The following CCSER1 variants were observed in gnomAD, a reference collection of about 807,000 sequenced individuals.
CCSER1 encodes the protein coiled-coil serine rich protein 1, also known as serine-rich coiled-coil domain-containing protein 1.
A neutral mutation model predicts 82.0 loss-of-function variants in CCSER1; 41 were observed. That is an observed-to-expected ratio of 0.50 (90% CI 0.39 to 0.65). The LOEUF is 0.65. Among genes scored for constraint, CCSER1 ranks in the 30% least tolerant of loss-of-function variants. CCSER1 has a pLI of 0.00. For missense variants in CCSER1, 1,119 were observed against 1,064.2 expected (o/e 1.05, Z -0.72); for synonymous variants, 414 against 383.9 (o/e 1.08, Z -0.92).
chr4:90,609,272 G>A (rs1240607357), intron 5 of CCSER1, among the ~76,000 whole-genome samples: 1 of 151,882 alleles, frequency 6.6e-6, no homozygotes, highest in African/African-American at 2.4e-5. Context: ...GAGTTAAATT[G>A]TTTCACTTTT....
chr4:90,254,963 A>G (rs554715219), intron 1 of CCSER1, among the ~76,000 whole-genome samples: 17 of 147,708 alleles, frequency 1.2e-4, no homozygotes, highest in Non-Finnish European at 2.4e-4. Flanking sequence ...TGATATACAT[A>G]TCAACATATA....
At chr4:90,762,655 A>G (rs1750585124) in intron 7 of CCSER1, among the ~76,000 whole-genome samples, 1 of 152,178 alleles carries the variant, frequency 6.6e-6, no homozygotes, top group Non-Finnish European at 1.5e-5. Context: ...GCACTTAGAT[A>G]AAAGCCCCAA....
rs570090999 is a variant in CCSER1 at position 91,080,472 on chromosome 4, T to C, written c.2173-5478T>C. ...TGCCCATAAGAGAAAGCAGGAGAGA[T>C]TTAAAATTGACACCCTAACATCACA... On this transcript the variant is annotated intron_variant, in intron 9 of 10. Coordinates refer to ENST00000509176, the MANE Select transcript of CCSER1 (RefSeq NM_001145065.2). Among the ~76,000 whole-genome samples, 3 of 152,228 alleles carry C rather than the reference T, an allele frequency of 2.0e-5. No individual in the cohort carries two copies. In the South Asian group the frequency reaches 6.2e-4, roughly 32 times the overall value.
chr4:91,378,057 T>A (rs150010643), intron 10 of CCSER1, among the ~76,000 whole-genome samples: 2,983 of 152,280 alleles, frequency 0.02, 76 homozygotes, highest in African/African-American at 0.067. Flanking sequence ...ATCAGATGGT[T>A]GTAGATGTGT....
intron 5 of CCSER1, among the ~76,000 whole-genome samples, chr4:90,538,557 A>T (rs781608956): frequency 6.6e-6 from 1 of 152,006 alleles, no homozygotes; most frequent in African/African-American, 2.4e-5. Context: ...ATTTTCTCAG[A>T]TTTGTTTCTC....
At chr4:91,140,450 T>A (rs954595699) in intron 10 of CCSER1, among the ~76,000 whole-genome samples, 3 of 152,080 alleles carry the variant, frequency 2.0e-5, no homozygotes, top group Non-Finnish European at 4.4e-5. Flanking sequence ...TTTTAAAAGC[T>A]GTTTTTTAAA....
chr4:91,116,021 A>G (rs1476519441), intron 10 of CCSER1, among the ~76,000 whole-genome samples: 1 of 151,248 alleles, frequency 6.6e-6, no homozygotes, highest in Non-Finnish European at 1.5e-5. Flanking sequence ...CCACCCCACA[A>G]CAGGCCCTGG....
intron 9 of CCSER1, among the ~76,000 whole-genome samples, chr4:91,049,246 A>G (rs995199751): frequency 2.0e-5 from 3 of 152,192 alleles, no homozygotes; most frequent in African/African-American, 7.2e-5. Context: ...TACAATGATA[A>G]TAAATAGAGG....
At chr4:91,574,304 T>A (rs1227073425) in intron 10 of CCSER1, among the ~76,000 whole-genome samples, 5 of 152,242 alleles carry the variant, frequency 3.3e-5, no homozygotes, top group South Asian at 2.1e-4. Flanking sequence ...TGGTGGAAAT[T>A]TAAATTGGTT....
chr4:91,475,289 C>G lies in CCSER1; in HGVS notation c.2218-123283C>G, dbSNP rs545717185. 4.0e-5 allele frequency among the ~76,000 whole-genome samples: 6 copies of G among 151,884 alleles called. No homozygotes were observed. In the East Asian group the frequency reaches 9.7e-4, roughly 24 times the overall value. On this transcript the variant is annotated intron_variant, in intron 10 of 10. Transcript: ENST00000509176. ...ATCACTATCTTTTGTAAAATAGATA[C>G]AGTAAAATAGATATAGGGATAGTAA...
intron 9 of CCSER1, among the ~76,000 whole-genome samples, chr4:90,933,000 GAAAGAAAGAA>G (rs1730292125): frequency 1.6e-5 from 1 of 63,284 alleles, no homozygotes; most frequent in Admixed American, 1.7e-4. Context: ...AAGAAAGAAA[GAAAGAAAGAA>G]AGAAAGAAAG....
At chr4:90,530,321 TA>T in intron 5 of CCSER1, among the ~76,000 whole-genome samples, 1 of 152,172 alleles carries the variant, frequency 6.6e-6, no homozygotes, top group Admixed American at 6.5e-5. Flanking sequence ...ATGAAACTGA[TA>T]TTGGTGGGCA....
chr4:90,999,140 C>T (rs61184467), intron 9 of CCSER1, among the ~76,000 whole-genome samples: 3,741 of 152,212 alleles, frequency 0.025, 130 homozygotes, highest in African/African-American at 0.081. Context: ...CGTTGTTGGA[C>T]ATCTAAGTTG....
At chr4:91,532,101 G>A (rs932522454) in intron 10 of CCSER1, among the ~76,000 whole-genome samples, 3 of 152,236 alleles carry the variant, frequency 2.0e-5, no homozygotes, top group East Asian at 3.9e-4. Flanking sequence ...ATGTCAAGAC[G>A]AAAATGAATA....
intron 10 of CCSER1, among the ~76,000 whole-genome samples, chr4:91,346,206 AG>A (rs890294581): frequency 6.6e-6 from 1 of 151,964 alleles, no homozygotes; most frequent in Admixed American, 6.6e-5. Flanking sequence ...TAGTAGAGAC[AG>A]GGTTTCACCA....
intron 5 of CCSER1, among the ~76,000 whole-genome samples, chr4:90,588,731 A>T (rs1782318423): frequency 1.3e-5 from 2 of 152,146 alleles, no homozygotes; most frequent in Non-Finnish European, 2.9e-5. Context: ...TTCTCATAGT[A>T]GTGAATAAGT....
chr4:90,480,198 T>A (rs1765723454), intron 5 of CCSER1, among the ~76,000 whole-genome samples: 1 of 152,234 alleles, frequency 6.6e-6, no homozygotes, highest in African/African-American at 2.4e-5. Flanking sequence ...TCTGTTCATA[T>A]CCTTCGACCA....
chr4:90,465,578 C>A (rs1763518430), intron 4 of CCSER1, among the ~76,000 whole-genome samples: 1 of 151,902 alleles, frequency 6.6e-6, no homozygotes, highest in Non-Finnish European at 1.5e-5. Flanking sequence ...TTTTCCTTAC[C>A]TGGTCTATTT....
intron 9 of CCSER1, among the ~76,000 whole-genome samples, chr4:90,978,514 T>A (rs182782976): frequency 1.9e-4 from 29 of 151,014 alleles, no homozygotes; most frequent in Non-Finnish European, 3.7e-4. Context: ...AGTTAATTAA[T>A]GTATTTATGT....
Sources: gnomAD v4.1 joint callset for allele counts (sites outside exome capture counted in the v4.1 genomes callset) on GRCh38, gnomAD v4.1.1 for gene constraint, MANE v1.5 for transcripts, NCBI Gene and HGNC (gene_info 2026-07-23, HGNC 2026-07-21) for gene names.